HMX2: variants seen among roughly 807,000 people sequenced by gnomAD.
HMX2 encodes H6 family homeobox 2.
A neutral mutation model predicts 21.2 loss-of-function variants in HMX2; 15 were observed. The observed-to-expected ratio is 0.71, with a 90% CI of 0.47 to 1.09. HMX2 has a LOEUF of 1.09. HMX2 is among the 50% of genes least tolerant of loss of function. HMX2 has a pLI of 0.00. For synonymous variants in HMX2, 193 were observed against 181.0 expected, an observed-to-expected ratio of 1.07 and a Z score of -0.53; for missense variants, 440 against 381.5, an observed-to-expected ratio of 1.15 and a Z score of -1.28.
chr10:123,148,339 AG>A lies in HMX2; in HGVS notation c.-37del, dbSNP rs760057327. ...CCCAGATCACCCAGATCGTCTCTAAAGGGAGTTCTTGGTTTCCTTCGATTTC... is the reference window on the plus strand; with the variant it reads ...CCCAGATCACCCAGATCGTCTCTAAAGGAGTTCTTGGTTTCCTTCGATTTC... On this transcript the variant is annotated 5_prime_UTR_variant, in exon 1 of 2. Transcript: ENST00000339992. 3.1e-6 allele frequency: 5 copies of A among 1,611,374 alleles called. No homozygotes were observed. Among genetic ancestry groups the A allele is most frequent in the Non-Finnish European group, 1.7e-6 (2 of 1,178,398 alleles).
rs1161030754 is a variant in HMX2 at position 123,150,023 on chromosome 10, C to G, written c.722C>G (p.Pro241Arg). 6.2e-7 allele frequency: 1 copy of G among 1,607,758 alleles called. No individual in the cohort carries two copies. The highest frequency in any genetic ancestry group is 8.5e-7 in the Non-Finnish European group (1 of 1,178,446). The change falls in exon 2 of 2, where the codon CCG (proline) becomes CGG (arginine). Residue 241 changes from proline (P) to arginine (R), a missense_variant. Physicochemically the swap from Pro to Arg is moderately radical, Grantham distance 103. Coordinates refer to ENST00000339992, the MANE Select transcript of HMX2 (RefSeq NM_005519.2). The surrounding 1 kb of genome is among the most constrained non-coding windows in gnomAD (Gnocchi z 4.2). ...VFRDSSLLRV[P>R]VPRSLAFPAP... ...CGGGACAGTTCGCTGCTGCGCGTGC[C>G]GGTGCCGCGCTCGCTCGCCTTTCCC...
At position 123,150,080 on chromosome 10, in the gene HMX2, C is replaced by A. The variant is rs770685100; in HGVS notation, c.779C>A (p.Ser260Ter). 1.0e-5 allele frequency: 16 copies of A among 1,593,686 alleles called. No individual in the cohort carries two copies. The highest frequency in any genetic ancestry group is 1.3e-5 in the African/African-American group (1 of 74,624). ...CTCTACTACCCGGGAAGCAACCTCT[C>A]GGCCTTACCTCTCTACAACCTATAC... ...APLYYPGSNLSALPLYNLYNK... is the reference protein window; with the variant it reads ...APLYYPGSNL Residue 260 changes from serine (S) to a stop codon, truncating the protein, a stop_gained, in exon 2 of 2, where the codon TCG (serine) becomes TAG (stop). Transcript: ENST00000339992. LOFTEE classifies it high-confidence loss of function. The surrounding 1 kb of genome is among the most constrained non-coding windows in gnomAD (Gnocchi z 4.2).
In HMX2 at chr10:123,150,273, C is replaced by T; in HGVS notation, c.*150C>T. ...ATTAGCTCTTATTTATGGTCTCTGC[C>T]CTACTTTTTGTTTTGATTGTTTCGG... On this transcript the variant is annotated 3_prime_UTR_variant, in exon 2 of 2. Coordinates refer to ENST00000339992, the MANE Select transcript of HMX2 (RefSeq NM_005519.2). This position sits in a 1 kb window ranked among gnomAD's most constrained non-coding sequence, Gnocchi z 4.2. The T allele has an allele frequency of 4.6e-6, 3 of 653,796 alleles. No homozygotes were observed. The highest frequency in any genetic ancestry group is 2.6e-5 in the South Asian group (1 of 38,466). The allele number at this position is 653,796 out of a possible 1,614,324, so 40.5% of individuals were successfully genotyped here.
In HMX2 at chr10:123,149,902, C is replaced by T. The variant is rs769845603; in HGVS notation, c.601C>T (p.Arg201Cys). 3 of 1,612,848 alleles carry T rather than the reference C, an allele frequency of 1.9e-6. No individual in the cohort carries two copies. The highest frequency in any genetic ancestry group is 4.5e-5 in the East Asian group (2 of 44,870). ...GGTAAAGACTTGGTTCCAGAACCGC[C>T]GCAACAAGTGGAAGCGGCAGCTCTC... ...TQVKTWFQNR[R>C]NKWKRQLSAE... The change falls in exon 2 of 2, where the codon CGC (arginine) becomes TGC (cysteine). Residue 201 changes from arginine (R) to cysteine (C), a missense_variant. Physicochemically the swap from Arg to Cys is radical, Grantham distance 180 (BLOSUM62 -3). Transcript: ENST00000339992. The surrounding 1 kb of genome is among the most constrained non-coding windows in gnomAD (Gnocchi z 5.4).
rs746098887 is a variant in HMX2 at position 123,149,961 on chromosome 10, G to A, written c.660G>A (p.Ala220=). The change falls in exon 2 of 2, where the codon GCG becomes GCA. Residue 220 remains alanine, a synonymous_variant. Transcript: ENST00000339992. The surrounding 1 kb of genome is among the most constrained non-coding windows in gnomAD (Gnocchi z 5.4). ...AELEAANMAH[A]SAQTLVSMPL... ...TGGAGGCGGCCAACATGGCGCACGC[G>A]TCGGCGCAGACTCTGGTGAGCATGC... 1 of 1,611,920 alleles carries A rather than the reference G, an allele frequency of 6.2e-7. No individual in the cohort carries two copies. Among genetic ancestry groups the A allele is most frequent in the East Asian group, 2.2e-5 (1 of 44,836 alleles).
Position 123,150,081 on chromosome 10 carries a change from G to A in HMX2, c.780G>A (p.Ser260=), listed in dbSNP as rs1564778684. Residue 260 remains serine, a synonymous_variant, in exon 2 of 2, where the codon TCG becomes TCA. Coordinates refer to ENST00000339992, the MANE Select transcript of HMX2 (RefSeq NM_005519.2). This position sits in a 1 kb window ranked among gnomAD's most constrained non-coding sequence, Gnocchi z 4.2. ...TCTACTACCCGGGAAGCAACCTCTC[G>A]GCCTTACCTCTCTACAACCTATACA... ...APLYYPGSNL[S]ALPLYNLYNK... The A allele has an allele frequency of 6.3e-7, 1 of 1,593,354 alleles. No homozygotes were observed. Among genetic ancestry groups the A allele is most frequent in the African/African-American group, 1.3e-5 (1 of 74,632 alleles).
Position 123,150,011 on chromosome 10 carries a change from TGCTGCGCGTGCC to T in HMX2, c.712_723del (p.Leu238_Pro241del). On this transcript the variant is annotated inframe_deletion, in exon 2 of 2. Transcript: ENST00000339992. This position sits in a 1 kb window ranked among gnomAD's most constrained non-coding sequence, Gnocchi z 4.2. Reference sequence around the variant, plus strand: ...CCGCTGGTGTTCCGGGACAGTTCGCTGCTGCGCGTGCCGGTGCCGCGCTCGCTCGCCTTTCCC... The same window carrying T: ...CCGCTGGTGTTCCGGGACAGTTCGCTGGTGCCGCGCTCGCTCGCCTTTCCC... 6.2e-7 allele frequency: 1 copy of T among 1,609,462 alleles called. No individual in the cohort carries two copies. Among genetic ancestry groups the T allele is most frequent in the Non-Finnish European group, 8.5e-7 (1 of 1,178,890 alleles).
chr10:123,148,529 T>A lies in HMX2; in HGVS notation c.151T>A (p.Ser51Thr). Residue 51 changes from serine to threonine, a missense_variant, in exon 1 of 2, where the codon TCG becomes ACG. Ser to Thr is a moderately conservative substitution (Grantham distance 58, BLOSUM62 1). Transcript: ENST00000339992. Reference protein sequence around the residue: ...PARKRSLSVSSEEEEPDDGWK... With the variant: ...PARKRSLSVSTEEEEPDDGWK... ...CAGGAAGCGCAGCCTGTCCGTGTCC[T>A]CGGAGGAGGAGGAGCCGGACGACGG... The A allele has an allele frequency of 6.2e-7, 1 of 1,613,016 alleles. No homozygotes were observed. Among genetic ancestry groups the A allele is most frequent in the Non-Finnish European group, 8.5e-7 (1 of 1,179,726 alleles).
At position 123,148,337 on chromosome 10, in the gene HMX2, A is replaced by G. The variant is rs1844221835; in HGVS notation, c.-42A>G. The G allele has an allele frequency of 6.2e-7, 1 of 1,610,060 alleles. No homozygotes were observed. Among genetic ancestry groups the G allele is most frequent in the Non-Finnish European group, 8.5e-7 (1 of 1,177,554 alleles). ...CACCCAGATCACCCAGATCGTCTCT[A>G]AAGGGAGTTCTTGGTTTCCTTCGAT... On this transcript the variant is annotated 5_prime_UTR_variant, in exon 1 of 2. Transcript: ENST00000339992.
At position 123,148,300 on chromosome 10, in the gene HMX2, T is replaced by C. The variant is rs896056626; in HGVS notation, c.-79T>C. The stretch of plus-strand genomic sequence containing the variant: ...CCGCCCCTCCCCACTGCCTGCCTGC[T>C]GCACCACCTTCCACCCAGATCACCC... On this transcript the variant is annotated 5_prime_UTR_variant, in exon 1 of 2. Coordinates refer to ENST00000339992, the MANE Select transcript of HMX2 (RefSeq NM_005519.2). 7.5e-6 allele frequency: 10 copies of C among 1,332,940 alleles called. No individual in the cohort carries two copies. Among genetic ancestry groups the C allele is most frequent in the South Asian group, 3.7e-5 (3 of 81,150 alleles). 82.6% of individuals were successfully genotyped at this position (1,332,940 alleles called of 1,614,324 possible). A position where few individuals can be genotyped will look rare whatever the true frequency, so the allele number is the denominator to read the frequency against.
rs1416866292 is a variant in HMX2 at position 123,148,631 on chromosome 10, C to T, written c.253C>T (p.Pro85Ser). Residue 85 changes from proline to serine, a missense_variant, in exon 1 of 2, where the codon CCT becomes TCT. Transcript: ENST00000339992. ...GGGCCCCAAGCACCATCCCCCCATCCCTTTTCCTTGCCTGGGTAAGGATCG... is the reference window on the plus strand; with the variant it reads ...GGGCCCCAAGCACCATCCCCCCATCTCTTTTCCTTGCCTGGGTAAGGATCG... ...EQGPKHHPPI[P>S]FPCLGTPKGS... 1 of 1,610,238 alleles carries T rather than the reference C, an allele frequency of 6.2e-7. No individual in the cohort carries two copies. The highest frequency in any genetic ancestry group is 2.3e-5 in the East Asian group (1 of 44,444).
At position 123,150,410 on chromosome 10, in the gene HMX2, GT is replaced by G. The variant is rs1759737584; in HGVS notation, c.*291del. 3 of 292,702 alleles carry G rather than the reference GT, an allele frequency of 1.0e-5. No individual in the cohort carries two copies. Among genetic ancestry groups the G allele is most frequent in the Non-Finnish European group, 1.9e-5 (3 of 158,440 alleles). The allele number at this position is 292,702 out of a possible 1,614,324, so 18.1% of individuals were successfully genotyped here. A position where few individuals can be genotyped will look rare whatever the true frequency, so the allele number is the denominator to read the frequency against. On this transcript the variant is annotated 3_prime_UTR_variant, in exon 2 of 2. Coordinates refer to ENST00000339992, the MANE Select transcript of HMX2 (RefSeq NM_005519.2). The surrounding 1 kb of genome is among the most constrained non-coding windows in gnomAD (Gnocchi z 4.2). Reference sequence around the variant, plus strand: ...TTCTCGGGTGGTGGTGGGAAAGGGAGTTTTGGCCAGACAGGCTGTGGTTGGT... The same window carrying G: ...TTCTCGGGTGGTGGTGGGAAAGGGAGTTTGGCCAGACAGGCTGTGGTTGGT...
rs758946275 is a variant in HMX2, at chr10:123,149,952, G to A, written c.651G>A (p.Met217Ile). ...CGGCTGAGCTGGAGGCGGCCAACAT[G>A]GCGCACGCGTCGGCGCAGACTCTGG... is the stretch of plus-strand genomic sequence containing the variant. ...QLSAELEAAN[M>I]AHASAQTLVS... is the part of the protein sequence containing the mutation. The change falls in exon 2 of 2, where the codon ATG becomes ATA. Residue 217 changes from methionine to isoleucine, a missense_variant. By Grantham distance (10) the Met-to-Ile change is conservative. Transcript: ENST00000339992. This position sits in a 1 kb window ranked among gnomAD's most constrained non-coding sequence, Gnocchi z 5.4. 10 of 1,612,052 alleles carry A rather than the reference G, an allele frequency of 6.2e-6. No individual in the cohort carries two copies. Among genetic ancestry groups the A allele is most frequent in the Middle Eastern group, 1.7e-4 (1 of 6,058 alleles).
chr10:123,148,788 G>T lies in HMX2; in HGVS notation c.268+142G>T, dbSNP rs1324981982. 1.7e-5 allele frequency: 17 copies of T among 1,027,610 alleles called. No individual in the cohort carries two copies. In the East Asian group the frequency reaches 3.8e-4, roughly 23 times the overall value. The allele number at this position is 1,027,610 out of a possible 1,614,324, so 63.7% of individuals were successfully genotyped here. A position where few individuals can be genotyped will look rare whatever the true frequency, so the allele number is the denominator to read the frequency against. On this transcript the variant is annotated intron_variant, in intron 1 of 1. Transcript: ENST00000339992. ...TTCGGGACCGCGGGGAGAGGGGCGC[G>T]CACTGTGGTGCCTCCTCCGCCCGGT...
Position 123,150,565 on chromosome 10 carries a change from T to G in HMX2, c.*442T>G. ...TCAGAGGCTTTGGACAATTACTAAA[T>G]TGCTTCTTTTCGTTTCCCTCATCCC... On this transcript the variant is annotated 3_prime_UTR_variant, in exon 2 of 2. Coordinates refer to ENST00000339992, the MANE Select transcript of HMX2 (RefSeq NM_005519.2). This position sits in a 1 kb window ranked among gnomAD's most constrained non-coding sequence, Gnocchi z 4.2. The G allele has an allele frequency of 6.5e-6, 1 of 154,664 alleles. No individual in the cohort carries two copies. 9.6% of individuals were successfully genotyped at this position (154,664 alleles called of 1,614,324 possible).
In HMX2 at chr10:123,149,625, C is replaced by T. The variant is rs763433206; in HGVS notation, c.324C>T (p.Phe108=). 1 of 1,506,848 alleles carries T rather than the reference C, an allele frequency of 6.6e-7. No individual in the cohort carries two copies. The highest frequency in any genetic ancestry group is 1.5e-5 in the African/African-American group (1 of 68,106). The allele number at this position is 1,506,848 out of a possible 1,614,324, so 93.3% of individuals were successfully genotyped here. The change falls in exon 2 of 2, where the codon TTC becomes TTT. Residue 108 remains phenylalanine, a synonymous_variant. Transcript: ENST00000339992. This position sits in a 1 kb window ranked among gnomAD's most constrained non-coding sequence, Gnocchi z 5.4. ...CGGGCGGCTTGGAGCGCACGCCTTTCCTCTCTCCTTCGCACTCGGACTTTA... is the reference window on the plus strand; with the variant it reads ...CGGGCGGCTTGGAGCGCACGCCTTTTCTCTCTCCTTCGCACTCGGACTTTA... ...SGPGGLERTP[F]LSPSHSDFKE...
chr10:123,150,158 G>A lies in HMX2; in HGVS notation c.*35G>A, dbSNP rs912131405. ...CGCCCCGCGCCGCCCCCAGCTGCCC[G>A]CAGAGCCGGGCGCGTACTGTACTGT... On this transcript the variant is annotated 3_prime_UTR_variant, in exon 2 of 2. Coordinates refer to ENST00000339992, the MANE Select transcript of HMX2 (RefSeq NM_005519.2). The surrounding 1 kb of genome is among the most constrained non-coding windows in gnomAD (Gnocchi z 4.2). 23 of 1,485,308 alleles carry A rather than the reference G, an allele frequency of 1.5e-5. No individual in the cohort carries two copies. The highest frequency in any genetic ancestry group is 2.1e-5 in the Admixed American group (1 of 48,390). 92.0% of individuals were successfully genotyped at this position (1,485,308 alleles called of 1,614,324 possible).
Position 123,148,500 on chromosome 10 carries a change from C to T in HMX2, c.122C>T (p.Pro41Leu). The T allele has an allele frequency of 6.2e-7, 1 of 1,612,498 alleles. No individual in the cohort carries two copies. The highest frequency in any genetic ancestry group is 8.5e-7 in the Non-Finnish European group (1 of 1,179,358). Reference sequence around the variant, plus strand: ...GCACCGCGGGAGCCCGTCGGCTGGCCAGCCAGGAAGCGCAGCCTGTCCGTG... The same window carrying T: ...GCACCGCGGGAGCCCGTCGGCTGGCTAGCCAGGAAGCGCAGCCTGTCCGTG... The part of the protein sequence containing the change: ...SEAPREPVGW[P>L]ARKRSLSVSS... The change falls in exon 1 of 2, where the codon CCA becomes CTA. Residue 41 changes from proline (P) to leucine (L), a missense_variant. Physicochemically the swap from Pro to Leu is moderately conservative, Grantham distance 98 (BLOSUM62 -3). Coordinates refer to ENST00000339992, the MANE Select transcript of HMX2 (RefSeq NM_005519.2).
In HMX2 at chr10:123,149,490, G is replaced by T. The variant is rs1844243118; in HGVS notation, c.269-80G>T. 1.6e-6 allele frequency: 2 copies of T among 1,249,002 alleles called. No individual in the cohort carries two copies. Among genetic ancestry groups the T allele is most frequent in the Non-Finnish European group, 2.1e-6 (2 of 947,084 alleles). 77.4% of individuals were successfully genotyped at this position (1,249,002 alleles called of 1,614,324 possible). A position where few individuals can be genotyped will look rare whatever the true frequency, so the allele number is the denominator to read the frequency against. ...CCAAGGCTGCAGGCGCTTGCCAACC[G>T]CTTGGTCCCAGGGAGAGCTGGCGGT... On this transcript the variant is annotated intron_variant, in intron 1 of 1. Coordinates refer to ENST00000339992, the MANE Select transcript of HMX2 (RefSeq NM_005519.2). The surrounding 1 kb of genome is among the most constrained non-coding windows in gnomAD (Gnocchi z 5.4).
Sources: allele counts gnomAD v4.1 joint callset, GRCh38; gene constraint gnomAD v4.1.1; non-coding constraint Gnocchi (gnomAD v3.1); transcripts MANE v1.5; gene names NCBI Gene and HGNC (gene_info 2026-07-23, HGNC 2026-07-21).